The following LMLN variants were observed in gnomAD, a reference collection of about 807,000 sequenced individuals.
LMLN encodes the protein leishmanolysin-like peptidase.
Under a neutral mutation model 92.3 loss-of-function variants are expected in LMLN, and 70 were observed. That is an observed-to-expected ratio of 0.76 (90% CI 0.63 to 0.92). The LOEUF is 0.92. LMLN is among the 40% of genes least tolerant of loss of function. The probability of loss-of-function intolerance (pLI) is 0.00; values close to 1 mark genes in which losing one functional copy is unlikely to be tolerated. For missense variants in LMLN, 691 were observed against 814.6 expected (o/e 0.85, Z 1.85); for synonymous variants, 308 against 296.2 (o/e 1.04, Z -0.41).
intron 1 of LMLN, among the ~76,000 whole-genome samples, chr3:197,962,990 G>C (rs1034559354): frequency 6.6e-6 from 1 of 151,948 alleles, no homozygotes; most frequent in Non-Finnish European, 1.5e-5. Context: ...TTTAGAGTCA[G>C]CTTCTCAGTT....
At chr3:198,023,092 G>A (rs909788686) in intron 13 of LMLN, among the ~76,000 whole-genome samples, 1 of 152,132 alleles carries the variant, frequency 6.6e-6, no homozygotes, top group African/African-American at 2.4e-5. Flanking sequence ...CAGCTCAGCC[G>A]TTACCGTCTG....
chr3:197,991,048 A>G (rs768001556), intron 9 of LMLN, among the ~76,000 whole-genome samples: 16 of 152,170 alleles, frequency 1.1e-4, no homozygotes, highest in Non-Finnish European at 2.2e-4. Flanking sequence ...TGTATACACA[A>G]AGAAAGAATA....
At chr3:198,012,799 C>A (rs1468374083) in intron 11 of LMLN, among the ~76,000 whole-genome samples, 1 of 149,614 alleles carries the variant, frequency 6.7e-6, no homozygotes, top group Non-Finnish European at 1.5e-5. Flanking sequence ...TTCTCTGTAC[C>A]CTTCAGAGCC....
chr3:198,034,196 A>C (rs1023602325), intron 14 of LMLN, among the ~76,000 whole-genome samples: 2 of 152,256 alleles, frequency 1.3e-5, no homozygotes, highest in African/African-American at 4.8e-5. Context: ...ACAGGTTCAG[A>C]AGCATGCACT....
chr3:198,040,358 G>A (rs1444142568), exon 16 of LMLN: 1 of 152,170 alleles, frequency 6.6e-6, no homozygotes, highest in Non-Finnish European at 1.5e-5. Context: ...TTTTACACTG[G>A]TACTAGAGCT....
At chr3:198,030,546 T>C (rs1723050945) in intron 14 of LMLN, among the ~76,000 whole-genome samples, 1 of 152,242 alleles carries the variant, frequency 6.6e-6, no homozygotes, top group Admixed American at 6.5e-5. Context: ...AGGTATTCTA[T>C]CCATTTCATC....
chr3:197,962,653 A>C (rs529030946), intron 1 of LMLN, among the ~76,000 whole-genome samples: 2 of 152,344 alleles, frequency 1.3e-5, no homozygotes, highest in South Asian at 4.1e-4. Context: ...GAAATCTTTA[A>C]ATACCCCCTA....
chr3:198,038,879 CCTTCATCAGCAACCCAACCA>C, exon 16 of LMLN: 2 of 456,102 alleles, frequency 4.4e-6, no homozygotes, highest in South Asian at 2.8e-5. Context: ...AACCCAACCA[CCTTCATCAGCAACCCAACCA>C]CCTCGTCAGC....
chr3:198,001,103 C>T (rs377274395), intron 11 of LMLN, among the ~76,000 whole-genome samples: 20 of 152,104 alleles, frequency 1.3e-4, no homozygotes, highest in Admixed American at 4.6e-4. Flanking sequence ...AAAACCTTCC[C>T]GAATTCTTCA....
At chr3:197,973,198 A>G (rs6767122) in intron 1 of LMLN, among the ~76,000 whole-genome samples, 9,775 of 150,992 alleles carry the variant, frequency 0.065, 374 homozygotes, top group African/African-American at 0.1. Context: ...CATGTAATGG[A>G]TTGCTAAAAT....
intron 11 of LMLN, among the ~76,000 whole-genome samples, 199 bp downstream of exon 12, chr3:198,003,324 G>C (rs1722225885): frequency 6.6e-6 from 1 of 152,100 alleles, no homozygotes; most frequent in Non-Finnish European, 1.5e-5. Context: ...TATACTAAAG[G>C]AATCCACAGT....
chr3:198,002,457 G>GTAT (rs2109904149), intron 11 of LMLN, among the ~76,000 whole-genome samples: 1 of 152,344 alleles, frequency 6.6e-6, no homozygotes, highest in East Asian at 1.9e-4. Context: ...ATGGACATAG[G>GTAT]CTGGGCACAG....
chr3:197,994,473 G>A (rs971766382), intron 9 of LMLN: 1 of 152,108 alleles, frequency 6.6e-6, no homozygotes, highest in Non-Finnish European at 1.5e-5. Context: ...CTCAAAAGAA[G>A]ACATGCAAAT....
chr3:197,989,670 C>T (rs1721809404), intron 8 of LMLN, among the ~76,000 whole-genome samples: 1 of 152,168 alleles, frequency 6.6e-6, no homozygotes, highest in African/African-American at 2.4e-5. Flanking sequence ...ACTTTTGTCT[C>T]TTTATCTGCA....
Position 197,991,086 on chromosome 3 carries a change from T to C in LMLN, c.1047+410T>C, listed in dbSNP as rs184170241. 2.2e-3 allele frequency among the ~76,000 whole-genome samples: 330 copies of C among 151,710 alleles called. 3 individuals carry two copies. The highest frequency in any genetic ancestry group is 7.9e-3 in the African/African-American group (325 of 41,252). ...AGAGAGGAGGGGAGGAAGAGATTTCTTTTTTTCTTTTATTTTCTTTCTTTC... is the reference window on the plus strand; with the variant it reads ...AGAGAGGAGGGGAGGAAGAGATTTCCTTTTTTCTTTTATTTTCTTTCTTTC... On this transcript the variant is annotated intron_variant, in intron 9 of 15. Coordinates refer to ENST00000330198, the Ensembl canonical transcript of LMLN.
chr3:197,982,223 CTTTTTTT>C (rs1241377836), intron 6 of LMLN, among the ~76,000 whole-genome samples: 3 of 116,540 alleles, frequency 2.6e-5, no homozygotes, highest in South Asian at 5.3e-4. Flanking sequence ...CAGTTACCTT[CTTTTTTT>C]TTTTTTTTTT....
chr3:198,029,815 T>C (rs1723031002), intron 14 of LMLN, among the ~76,000 whole-genome samples: 1 of 152,086 alleles, frequency 6.6e-6, no homozygotes, highest in Non-Finnish European at 1.5e-5. Context: ...AGGGGAGACT[T>C]ACTATTTGCT....
intron 1 of LMLN, among the ~76,000 whole-genome samples, chr3:197,969,544 T>C (rs1361264482): frequency 6.6e-6 from 1 of 152,192 alleles, no homozygotes; most frequent in Non-Finnish European, 1.5e-5. Flanking sequence ...AATTGCATTC[T>C]AGTCGAATTT....
At chr3:198,020,768 A>G (rs11917163) in intron 12 of LMLN, among the ~76,000 whole-genome samples, 5 of 32,868 alleles carry the variant, frequency 1.5e-4, no homozygotes, top group African/African-American at 4.8e-4. Flanking sequence ...TAATTTTTGT[A>G]TTTTTTTTTT....
Sources: allele counts gnomAD v4.1 joint callset (sites outside exome capture counted in the v4.1 genomes callset), GRCh38; gene constraint gnomAD v4.1.1; transcripts MANE v1.5; gene names NCBI Gene and HGNC (gene_info 2026-07-23, HGNC 2026-07-21).